Variants in HEXB observed in about 807,000 individuals in gnomAD.
The protein encoded by HEXB is hexosaminidase subunit beta.
HEXB carries 51 observed loss-of-function variants against 71.2 expected under a neutral mutation model. The ratio of observed to expected loss-of-function variants is 0.72; its 90% CI spans 0.57 to 0.90. The LOEUF is 0.90. Among genes scored for constraint, HEXB ranks in the 40% least tolerant of loss-of-function variants. The pLI, the probability that HEXB is intolerant of heterozygous loss-of-function variation, is 0.00. For missense variants in HEXB, 617 were observed against 677.0 expected, an observed-to-expected ratio of 0.91 and a Z score of 0.98; for synonymous variants, 266 against 249.3, an observed-to-expected ratio of 1.07 and a Z score of -0.63.
At chr5:74,690,928 T>C (rs111547802) in intron 2 of HEXB, among the ~76,000 whole-genome samples, 245 of 152,268 alleles carry the variant, frequency 1.6e-3, no homozygotes, top group African/African-American at 5.1e-3. Context: ...TCAGACACCA[T>C]GTGAAGTAGG....
intron 1 of HEXB, among the ~76,000 whole-genome samples, chr5:74,660,068 G>GCA (rs1748291089): frequency 1.3e-5 from 2 of 151,526 alleles, no homozygotes; most frequent in Non-Finnish European, 2.9e-5. Context: ...CCTAATCTTT[G>GCA]TAAAAAAAAT....
At chr5:74,716,716 A>C (rs1749681414) in intron 9 of HEXB, 43 bp downstream of exon 9, 1 of 1,234,658 alleles carries the variant, frequency 8.1e-7, no homozygotes. Flanking sequence ...TGCTTTTTGT[A>C]AAAGTTTATT....
Position 74,689,430 on chromosome 5 carries a change from G to C in HEXB, c.402G>C (p.Gln134His), listed in dbSNP as rs1561215427. Residue 134 changes from glutamine to histidine, a missense_variant, in exon 2 of 14, where the codon CAG becomes CAC. By Grantham distance (24) the Gln-to-His change is conservative. Transcript: ENST00000261416. ...AACTTCTTGTCTCAATCACCCTTCA[G>C]TCAGAGTGTGATGCTTTCCCCAACA... The part of the protein sequence containing the change: ...VQQLLVSITL[Q>H]SECDAFPNIS... 3 of 1,612,662 alleles carry C rather than the reference G, an allele frequency of 1.9e-6. No individual in the cohort carries two copies. The highest frequency in any genetic ancestry group is 3.3e-5 in the Admixed American group (2 of 60,010).
At chr5:74,672,158 G>C (rs1211287391) in intron 1 of HEXB, among the ~76,000 whole-genome samples, 2 of 152,172 alleles carry the variant, frequency 1.3e-5, no homozygotes, top group East Asian at 3.9e-4. Flanking sequence ...TTTGTGAACT[G>C]TCAAAGTGGT....
At chr5:74,720,783 CT>C (rs1432006652) in intron 13 of HEXB, 36 bp downstream of exon 13, 1 of 1,488,386 alleles carries the variant, frequency 6.7e-7, no homozygotes, top group South Asian at 1.1e-5. Flanking sequence ...GATTTTTAAC[CT>C]TCTTATTCAG....
At chr5:74,709,476 A>C (rs1222443035) in intron 6 of HEXB, among the ~76,000 whole-genome samples, 1 of 152,208 alleles carries the variant, frequency 6.6e-6, no homozygotes, top group East Asian at 1.9e-4. Context: ...CACACAAAAA[A>C]CCCTTCAAAA....
chr5:74,694,716 C>T (rs1416620059), intron 3 of HEXB, among the ~76,000 whole-genome samples: 1 of 152,050 alleles, frequency 6.6e-6, no homozygotes, highest in Non-Finnish European at 1.5e-5. Flanking sequence ...TGTAATCCCA[C>T]CACTTTGGGA....
upstream of HEXB, among the ~76,000 whole-genome samples, chr5:74,684,859 TAG>T (rs1359131384): frequency 1.3e-5 from 2 of 152,020 alleles, no homozygotes; most frequent in Admixed American, 1.3e-4. Flanking sequence ...TGTATTTTTG[TAG>T]AGTCGGGGTT....
upstream of HEXB, among the ~76,000 whole-genome samples, chr5:74,684,263 A>G (rs1748797362): frequency 6.6e-6 from 1 of 152,212 alleles, no homozygotes; most frequent in African/African-American, 2.4e-5. Context: ...TGGCATCTCC[A>G]GTCCGTGTTC....
chr5:74,659,832 C>T (rs1191829547), intron 1 of HEXB, among the ~76,000 whole-genome samples: 1 of 152,136 alleles, frequency 6.6e-6, no homozygotes, highest in Non-Finnish European at 1.5e-5. Flanking sequence ...GAAATTTAAA[C>T]CTTAAAACTT....
At position 74,689,411 on chromosome 5, in the gene HEXB, T is replaced by G. The variant is rs113678356; in HGVS notation, c.383T>G (p.Leu128Arg). The G allele has an allele frequency of 3.2e-4, 513 of 1,613,572 alleles. 2 individuals carry two copies. The African/African-American group carries it at 4.9e-3, about 15-fold the overall frequency. ...GCTAAAACCCAGGTTCAGCAACTTC[T>G]TGTCTCAATCACCCTTCAGTCAGAG... is the stretch of plus-strand genomic sequence containing the variant. Reference protein sequence around the residue: ...FQAKTQVQQLLVSITLQSECD... With the variant: ...FQAKTQVQQLRVSITLQSECD... Residue 128 changes from leucine to arginine, a missense_variant, in exon 2 of 14, where the codon CTT (leucine) becomes CGT (arginine). Transcript: ENST00000261416.
At chr5:74,714,061 T>TCC (rs1356521827) in intron 7 of HEXB, among the ~76,000 whole-genome samples, 1 of 152,212 alleles carries the variant, frequency 6.6e-6, no homozygotes, top group African/African-American at 2.4e-5. Context: ...GGTCTTGATC[T>TCC]CCCCTCCTCA....
At chr5:74,697,154 C>A (rs1749131997) in intron 5 of HEXB, 48 bp downstream of exon 5, 3 of 909,488 alleles carry the variant, frequency 3.3e-6, no homozygotes, top group Non-Finnish European at 5.5e-6. Context: ...GAAGATGTCT[C>A]CTTTATGTTG....
chr5:74,694,165 A>G (rs1406337078), intron 3 of HEXB, among the ~76,000 whole-genome samples: 3 of 152,170 alleles, frequency 2.0e-5, no homozygotes, highest in Non-Finnish European at 2.9e-5. Context: ...GTCTCAAAAA[A>G]ATACAAATAA....
In HEXB at chr5:74,715,628, T is replaced by A; in HGVS notation, c.1020T>A (p.Ile340=). ...TCCTTACTACATTTTTCAAAGAAATTAGTGAGGTGTTTCCAGATCAATTCA... is the reference window on the plus strand; with the variant it reads ...TCCTTACTACATTTTTCAAAGAAATAAGTGAGGTGTTTCCAGATCAATTCA... ...YSFLTTFFKE[I]SEVFPDQFIH... The change falls in exon 8 of 14, where the codon ATT becomes ATA. Residue 340 remains isoleucine, a synonymous_variant. Coordinates refer to ENST00000261416, the MANE Select transcript of HEXB (RefSeq NM_000521.4). 1.2e-6 allele frequency: 2 copies of A among 1,610,400 alleles called. No individual in the cohort carries two copies. Among genetic ancestry groups the A allele is most frequent in the Non-Finnish European group, 1.7e-6 (2 of 1,176,842 alleles).
upstream of HEXB, among the ~76,000 whole-genome samples, chr5:74,684,674 CTTT>C (rs1191674612): frequency 2.2e-5 from 3 of 133,882 alleles, no homozygotes; most frequent in East Asian, 2.1e-4. Flanking sequence ...TTTTTCTTTT[CTTT>C]TTTTTTTTTT....
At chr5:74,721,019 T>C in intron 13 of HEXB, 99 bp from the exon 14 acceptor site, 2 of 1,062,564 alleles carry the variant, frequency 1.9e-6, no homozygotes, top group South Asian at 2.7e-5. Flanking sequence ...GTGATTCTAA[T>C]TTAAGTTTCT....
At chr5:74,693,489 T>G in intron 2 of HEXB, 150 bp from the exon 3 acceptor site, 1 of 702,226 alleles carries the variant, frequency 1.4e-6, no homozygotes, top group Non-Finnish European at 2.6e-6. Flanking sequence ...GACATCCAAA[T>G]GGAGATGTAC....
At chr5:74,720,547 A>T (rs1312852890) in intron 12 of HEXB, 29 bp downstream of exon 12, 3 of 1,594,712 alleles carry the variant, frequency 1.9e-6, no homozygotes, top group East Asian at 4.5e-5. Flanking sequence ...AACATTTAAG[A>T]ATTAAGGTGC....
Sources: allele counts gnomAD v4.1 joint callset (sites outside exome capture counted in the v4.1 genomes callset), GRCh38; gene constraint gnomAD v4.1.1; transcripts MANE v1.5; gene names NCBI Gene and HGNC (gene_info 2026-07-23, HGNC 2026-07-21).